The following PARD3B variants were observed in gnomAD, a reference collection of about 807,000 sequenced individuals.
PARD3B encodes partitioning defective 3 homolog B.
A neutral mutation model predicts 130.2 loss-of-function variants in PARD3B; 103 were observed. The ratio of observed to expected loss-of-function variants is 0.79; its 90% CI spans 0.67 to 0.93. The LOEUF (loss-of-function observed/expected upper bound fraction) is 0.93. PARD3B is among the 40% of genes least tolerant of loss of function. The pLI is 0.00. For synonymous variants in PARD3B, 583 were observed against 553.2 expected (o/e 1.05, Z -0.76); for missense variants, 1,609 against 1,499.2 (o/e 1.07, Z -1.21).
rs969602998 is a variant in PARD3B, at chr2:205,078,431, T to C, written c.505-25995T>C. On this transcript the variant is annotated intron_variant, in intron 4 of 22. Transcript: ENST00000406610. The surrounding 1 kb of genome is among the most constrained non-coding windows in gnomAD (Gnocchi z 4.0). The stretch of plus-strand genomic sequence containing the variant: ...CTAAAGATAGACCAAAGACCCACTT[T>C]TTTTCCTGAGTAATTCTGTCTCTTA... 1.3e-5 allele frequency among the ~76,000 whole-genome samples: 2 copies of C among 152,338 alleles called. No homozygotes were observed. Among genetic ancestry groups the C allele is most frequent in the Admixed American group, 1.3e-4 (2 of 15,298 alleles).
chr2:204,838,632 A>C (rs1040137849), intron 2 of PARD3B, among the ~76,000 whole-genome samples: 12 of 152,112 alleles, frequency 7.9e-5, no homozygotes, highest in Non-Finnish European at 4.4e-5. Flanking sequence ...TAGAAGAAAT[A>C]AGACCTAGTG....
chr2:204,615,129 C>G (rs2034064423), intron 1 of PARD3B, among the ~76,000 whole-genome samples: 1 of 151,864 alleles, frequency 6.6e-6, no homozygotes, highest in Non-Finnish European at 1.5e-5. Flanking sequence ...TGTTATTTTT[C>G]TTTTAAGTAT....
chr2:205,435,506 T>C (rs565786548), intron 19 of PARD3B, among the ~76,000 whole-genome samples: 1 of 152,192 alleles, frequency 6.6e-6, no homozygotes, highest in East Asian at 1.9e-4. Flanking sequence ...TACTTTCTTT[T>C]TTACTGCTAT....
At chr2:205,567,481 A>ATTCTTTTT (rs2053395219) in intron 22 of PARD3B, among the ~76,000 whole-genome samples, 1 of 113,518 alleles carries the variant, frequency 8.8e-6, no homozygotes, top group African/African-American at 3.4e-5. Context: ...TGCCCGGTTA[A>ATTCTTTTT]TTTTTTTTTT....
rs753450836 is a variant in PARD3B, at chr2:205,230,411, G to T, written c.2141-15367G>T. 1.3e-5 allele frequency among the ~76,000 whole-genome samples: 2 copies of T among 152,196 alleles called. No homozygotes were observed. ...TGCGAGTTTCCTTCTGGCAGAGTGT[G>T]TGTCTGGAAATGTCATCCAGGAGCT... is the stretch of plus-strand genomic sequence containing the variant. On this transcript the variant is annotated intron_variant, in intron 15 of 22. Coordinates refer to ENST00000406610, the MANE Select transcript of PARD3B (RefSeq NM_001302769.2). The surrounding 1 kb of genome is among the most constrained non-coding windows in gnomAD (Gnocchi z 4.1).
In PARD3B at chr2:205,046,164, C is replaced by T. The variant is rs148378937; in HGVS notation, c.395-1417C>T. On this transcript the variant is annotated intron_variant, in intron 3 of 22. Coordinates refer to ENST00000406610, the MANE Select transcript of PARD3B (RefSeq NM_001302769.2). ...TGAAAGGAACTTAGTCTTCAGATTACCTAAGGGACAGAAAAAGATACTGGT... is the reference window on the plus strand; with the variant it reads ...TGAAAGGAACTTAGTCTTCAGATTATCTAAGGGACAGAAAAAGATACTGGT... Among the ~76,000 whole-genome samples, 102 of 151,966 alleles carry T rather than the reference C, an allele frequency of 6.7e-4. 4 individuals are homozygous for T. In the East Asian group the frequency reaches 0.017, roughly 25 times the overall value.
At chr2:204,974,367 C>T (rs1266834720) in intron 3 of PARD3B, among the ~76,000 whole-genome samples, 5 of 152,086 alleles carry the variant, frequency 3.3e-5, no homozygotes. Flanking sequence ...TTATCACAAC[C>T]TATTTAAAAT....
rs116029997 is a variant in PARD3B, at chr2:204,588,190, G to A, written c.120+42071G>A. On this transcript the variant is annotated intron_variant, in intron 1 of 22. Transcript: ENST00000406610. ...GATGTTGATGTGCAGACTGGCTTCC[G>A]TGACTTGGACTTGCATTCTCTTGGT... Among the ~76,000 whole-genome samples, 308 of 152,280 alleles carry A rather than the reference G, an allele frequency of 2.0e-3. 1 individual carries two copies. The highest frequency in any genetic ancestry group is 3.5e-3 in the Non-Finnish European group (239 of 68,022).
At chr2:204,612,714 G>A (rs984502815) in intron 1 of PARD3B, among the ~76,000 whole-genome samples, 1 of 152,036 alleles carries the variant, frequency 6.6e-6, no homozygotes, top group African/African-American at 2.4e-5. Flanking sequence ...TGTATTACAA[G>A]GTTTTTAACA....
At chr2:205,330,061 C>T (rs2043065858) in intron 18 of PARD3B, among the ~76,000 whole-genome samples, 1 of 151,518 alleles carries the variant, frequency 6.6e-6, no homozygotes, top group Non-Finnish European at 1.5e-5. Context: ...TTAACGTAGG[C>T]TGGGCACGGT....
chr2:205,401,583 A>G (rs1364154856), intron 19 of PARD3B, among the ~76,000 whole-genome samples: 4 of 152,178 alleles, frequency 2.6e-5, no homozygotes, highest in Non-Finnish European at 2.9e-5. Context: ...ACTGTCTTTT[A>G]TTAGGCTATC....
At position 205,125,503 on chromosome 2, in the gene PARD3B, C is replaced by T. The variant is rs2031269880; in HGVS notation, c.1306-106C>T. 2 of 1,289,976 alleles carry T rather than the reference C, an allele frequency of 1.6e-6. No individual in the cohort carries two copies. Among genetic ancestry groups the T allele is most frequent in the Non-Finnish European group, 1.1e-6 (1 of 934,522 alleles). 79.9% of individuals were successfully genotyped at this position (1,289,976 alleles called of 1,614,324 possible). A position where few individuals can be genotyped will look rare whatever the true frequency, so the allele number is the denominator to read the frequency against. On this transcript the variant is annotated intron_variant, in intron 9 of 22. Coordinates refer to ENST00000406610, the MANE Select transcript of PARD3B (RefSeq NM_001302769.2). This position sits in a 1 kb window ranked among gnomAD's most constrained non-coding sequence, Gnocchi z 4.0. ...TTTAGTTATCATCTTTTCAGAGCTT[C>T]CTCAAGTATGGGAGCCCATTTGCTT...
intron 15 of PARD3B, among the ~76,000 whole-genome samples, chr2:205,196,417 G>T (rs1482994248): frequency 1.3e-5 from 2 of 149,022 alleles, no homozygotes; most frequent in Non-Finnish European, 3.0e-5. Context: ...TGTTAATTTT[G>T]TCCTCTTTCA....
chr2:205,101,385 A>G (rs1559437525), intron 4 of PARD3B, among the ~76,000 whole-genome samples: 1 of 152,216 alleles, frequency 6.6e-6, no homozygotes, highest in Non-Finnish European at 1.5e-5. Context: ...AAATGAAAAT[A>G]AGTTGTGGCA....
At chr2:205,129,079 T>C (rs971493547) in intron 10 of PARD3B, among the ~76,000 whole-genome samples, 1 of 152,226 alleles carries the variant, frequency 6.6e-6, no homozygotes, top group African/African-American at 2.4e-5. Context: ...ATTTGGAGGG[T>C]ATATGCTTAG....
At chr2:205,135,678 G>C (rs2032420932) in intron 10 of PARD3B, among the ~76,000 whole-genome samples, 1 of 151,764 alleles carries the variant, frequency 6.6e-6, no homozygotes, top group Admixed American at 6.6e-5. Flanking sequence ...AGATTCTCTG[G>C]GCAATGACTT....
intron 2 of PARD3B, among the ~76,000 whole-genome samples, chr2:204,738,538 A>G (rs575178134): frequency 6.6e-6 from 1 of 152,270 alleles, no homozygotes; most frequent in Non-Finnish European, 1.5e-5. Context: ...ATTAGGTAGG[A>G]GTTCTGAAGG....
Position 204,984,005 on chromosome 2 carries a change from A to T in PARD3B, c.394+18682A>T, listed in dbSNP as rs562699352. Among the ~76,000 whole-genome samples, 4 of 152,192 alleles carry T rather than the reference A, an allele frequency of 2.6e-5. No individual in the cohort carries two copies. The East Asian group carries it at 7.7e-4, about 29-fold the overall frequency. On this transcript the variant is annotated intron_variant, in intron 3 of 22. Transcript: ENST00000406610. Reference sequence around the variant, plus strand: ...GTCGCCTCTCTAAAAAGAAAAAAAAATATGCATTTCTCCTGTTCATCTGTT... The same window carrying T: ...GTCGCCTCTCTAAAAAGAAAAAAAATTATGCATTTCTCCTGTTCATCTGTT...
At position 204,743,252 on chromosome 2, in the gene PARD3B, T is replaced by C. The variant is rs555734326; in HGVS notation, c.222+56970T>C. Among the ~76,000 whole-genome samples the C allele has an allele frequency of 2.0e-5, 3 of 152,298 alleles. No homozygotes were observed. The South Asian group carries it at 6.2e-4, about 32-fold the overall frequency. On this transcript the variant is annotated intron_variant, in intron 2 of 22. Transcript: ENST00000406610. The stretch of plus-strand genomic sequence containing the variant: ...TGTAAAGGTGCTCAGAAGGGTGATT[T>C]TTTTTCTGCTGCTCTGGTTTGATTT...
Sources: allele counts gnomAD v4.1 joint callset (sites outside exome capture counted in the v4.1 genomes callset), GRCh38; gene constraint gnomAD v4.1.1; non-coding constraint Gnocchi (gnomAD v3.1); transcripts MANE v1.5; gene names NCBI Gene and HGNC (gene_info 2026-07-23, HGNC 2026-07-21).